PPIP5K2: variants seen among roughly 807,000 people sequenced by gnomAD.
PPIP5K2 encodes the protein inositol hexakisphosphate and diphosphoinositol-pentakisphosphate kinase 2.
Under a neutral mutation model 154.6 loss-of-function variants are expected in PPIP5K2, and 105 were observed. That is an observed-to-expected ratio of 0.68 (90% confidence interval 0.58 to 0.80). The LOEUF (loss-of-function observed/expected upper bound fraction) is 0.80, where lower values mean the gene tolerates loss of function less well. Among genes scored for constraint, PPIP5K2 ranks in the 30% least tolerant of loss-of-function variants. PPIP5K2 has a pLI of 0.00. For missense variants in PPIP5K2, 992 were observed against 1,504.6 expected (o/e 0.66, Z 5.64); for synonymous variants, 480 against 490.3 (o/e 0.98, Z 0.28).
chr5:103,173,802 T>A, intron 20 of PPIP5K2, 56 bp from the exon 21 acceptor site: 2 of 1,103,014 alleles, frequency 1.8e-6, no homozygotes, highest in Non-Finnish European at 2.7e-6. Context: ...ATTTCAATAT[T>A]TAGTGAGTTT....
At position 103,184,674 on chromosome 5, in the gene PPIP5K2, T is replaced by A; in HGVS notation, c.3099T>A (p.Val1033=). ...TTTATTTTGGATTCCTTATGCAGGT[T>A]GTATCTGAAAATGCTAATTACCTGA... The part of the protein sequence containing the change: ...TSSIFGSWQQ[V]VSENANYLRT... The change falls in exon 26 of 31, where the codon GTT becomes GTA. Residue 1033 remains valine (V), a splice_region_variant and synonymous_variant. Coordinates refer to ENST00000358359, the MANE Select transcript of PPIP5K2 (RefSeq NM_001276277.3). The A allele has an allele frequency of 6.2e-7, 1 of 1,610,062 alleles. No homozygotes were observed. The highest frequency in any genetic ancestry group is 8.5e-7 in the Non-Finnish European group (1 of 1,176,552).
At chr5:103,149,069 T>C (rs1265973102) in intron 7 of PPIP5K2, 83 bp from the exon 8 acceptor site, 1 of 1,080,100 alleles carries the variant, frequency 9.3e-7, no homozygotes, top group Non-Finnish European at 1.2e-6. Flanking sequence ...AGTAATTTTT[T>C]CATTGTATTT....
intron 20 of PPIP5K2, 67 bp from the exon 21 acceptor site, chr5:103,173,791 A>G: frequency 1.9e-6 from 2 of 1,039,222 alleles, no homozygotes; most frequent in East Asian, 2.5e-5. Context: ...TTTAGAAAAT[A>G]ATTTCAATAT....
rs79024519 is a variant in PPIP5K2 at position 103,125,090 on chromosome 5, C to T, written c.-284-4216C>T. On this transcript the variant is annotated intron_variant, in intron 1 of 30. Transcript: ENST00000358359. ...CCAGAAGACAAAAATTCTGCTTCAT[C>T]GGTTTTATCTCCTTTTTATTATAGG... 1.0e-3 allele frequency among the ~76,000 whole-genome samples: 153 copies of T among 152,250 alleles called. No individual in the cohort carries two copies. The East Asian group carries it at 0.025, about 25-fold the overall frequency.
rs1554232455 is a variant in PPIP5K2, at chr5:103,209,297, TCTAA to T, written c.*7665_*7668del. On this transcript the variant is annotated 3_prime_UTR_variant, in exon 31 of 31. Transcript: ENST00000358359. ...AGGGCAACAGCCTGCCTAGTAACAA[TCTAA>T]CAGACACCCCCCAAAAACCAAAAAA... is the stretch of plus-strand genomic sequence containing the variant. The T allele has an allele frequency of 6.6e-6, 1 of 151,960 alleles. No individual in the cohort carries two copies. Among genetic ancestry groups the T allele is most frequent in the East Asian group, 1.9e-4 (1 of 5,172 alleles). The allele number at this position is 151,960 out of a possible 1,614,324, so 9.4% of individuals were successfully genotyped here. A position where few individuals can be genotyped will look rare whatever the true frequency, so the allele number is the denominator to read the frequency against.
In PPIP5K2 at chr5:103,204,098, T is replaced by C. The variant is rs1317231255; in HGVS notation, c.*2464T>C. 1 of 152,206 alleles carries C rather than the reference T, an allele frequency of 6.6e-6. No homozygotes were observed. The highest frequency in any genetic ancestry group is 1.5e-5 in the Non-Finnish European group (1 of 68,042). 9.4% of individuals were successfully genotyped at this position (152,206 alleles called of 1,614,324 possible). Reference sequence around the variant, plus strand: ...CACTAGCCAAGGAAAAAGTTTCTGTTTTCACCCGGATTTCTTTTTGGGTTG... The same window carrying C: ...CACTAGCCAAGGAAAAAGTTTCTGTCTTCACCCGGATTTCTTTTTGGGTTG... On this transcript the variant is annotated 3_prime_UTR_variant, in exon 31 of 31. Transcript: ENST00000358359.
chr5:103,151,033 T>C (rs1554211134), intron 8 of PPIP5K2, among the ~76,000 whole-genome samples: 1 of 151,946 alleles, frequency 6.6e-6, no homozygotes, highest in African/African-American at 2.4e-5. Flanking sequence ...ATCTACTTTA[T>C]GATGAAAGAC....
At chr5:103,122,839 AG>A (rs1788998253) in intron 1 of PPIP5K2, among the ~76,000 whole-genome samples, 1 of 152,184 alleles carries the variant, frequency 6.6e-6, no homozygotes, top group African/African-American at 2.4e-5. Flanking sequence ...AGTTCAGGTA[AG>A]GGGGATCTGA....
At chr5:103,146,792 T>A in intron 6 of PPIP5K2, 111 bp downstream of exon 6, 1 of 899,244 alleles carries the variant, frequency 1.1e-6, no homozygotes, top group Non-Finnish European at 1.6e-6. Flanking sequence ...TGAAAATGTA[T>A]CATTTAGAGG....
intron 18 of PPIP5K2, among the ~76,000 whole-genome samples, chr5:103,167,860 G>C (rs1166282185): frequency 6.6e-6 from 1 of 151,786 alleles, no homozygotes; most frequent in Non-Finnish European, 1.5e-5. Context: ...TGTTATTAAA[G>C]TCTATAATAT....
At position 103,124,095 on chromosome 5, in the gene PPIP5K2, A is replaced by G. The variant is rs1789222606; in HGVS notation, c.-285+3607A>G. ...GGAGATTGAAACCATCCTGGCTAAC[A>G]CTGTGAAACTCCGTCTCTACTAAAA... On this transcript the variant is annotated intron_variant, in intron 1 of 30. Transcript: ENST00000358359. Among the ~76,000 whole-genome samples the G allele has an allele frequency of 2.0e-5, 3 of 152,014 alleles. No homozygotes were observed. In the South Asian group the frequency reaches 6.2e-4, roughly 32 times the overall value.
chr5:103,207,446 T>C lies in PPIP5K2; in HGVS notation c.*5812T>C, dbSNP rs1554232346. ...TTTTGGATAGTGAGGGCATGGATAA[T>C]GGATACATAATCAGCAATGTATGCT... On this transcript the variant is annotated 3_prime_UTR_variant, in exon 31 of 31. Transcript: ENST00000358359. 6.6e-6 allele frequency: 1 copy of C among 152,154 alleles called. No homozygotes were observed. The allele number at this position is 152,154 out of a possible 1,614,324, so 9.4% of individuals were successfully genotyped here. A position where few individuals can be genotyped will look rare whatever the true frequency, so the allele number is the denominator to read the frequency against.
At position 103,149,030 on chromosome 5, in the gene PPIP5K2, C is replaced by T; in HGVS notation, c.745-122C>T. The T allele has an allele frequency of 9.0e-6, 7 of 775,184 alleles. No individual in the cohort carries two copies. In the South Asian group the frequency reaches 2.4e-4, roughly 26 times the overall value. The allele number at this position is 775,184 out of a possible 1,614,324, so 48.0% of individuals were successfully genotyped here. ...GGGCATGTAAAATAGAAAGATGTGT[C>T]TACTAGCCTGGATTCTGAACTATTT... On this transcript the variant is annotated intron_variant, in intron 7 of 30. Transcript: ENST00000358359.
intron 8 of PPIP5K2, 61 bp from the exon 9 acceptor site, chr5:103,151,192 G>T (rs1400081257): frequency 1.4e-6 from 2 of 1,427,910 alleles, no homozygotes; most frequent in Non-Finnish European, 1.9e-6. Flanking sequence ...GATAGGACTA[G>T]AAAACTGTGA....
At chr5:103,188,696 T>C (rs1427192417) in intron 28 of PPIP5K2, 1 of 152,264 alleles carries the variant, frequency 6.6e-6, no homozygotes, top group Non-Finnish European at 1.5e-5. Context: ...CATTGCAGGT[T>C]TAAGACCATA....
chr5:103,161,449 A>G (rs1249309233), intron 17 of PPIP5K2, among the ~76,000 whole-genome samples: 4 of 152,174 alleles, frequency 2.6e-5, no homozygotes, highest in Non-Finnish European at 5.9e-5. Context: ...CAGCAGCATG[A>G]TTTATAATCC....
chr5:103,129,803 A>C, intron 2 of PPIP5K2, 100 bp downstream of exon 2: 1 of 1,365,584 alleles, frequency 7.3e-7, no homozygotes, highest in Non-Finnish European at 9.5e-7. Context: ...TTTTGAACTG[A>C]AAAAGTATAT....
At chr5:103,199,474 T>C (rs1580502322) in intron 30 of PPIP5K2, among the ~76,000 whole-genome samples, 1 of 152,216 alleles carries the variant, frequency 6.6e-6, no homozygotes, top group Non-Finnish European at 1.5e-5. Flanking sequence ...CACTGTCTTC[T>C]GGTTACCATT....
rs1788424585 is a variant in PPIP5K2 at position 103,120,302 on chromosome 5, T to TA, written c.-470dup. ...AGGCGTGACGGAGATTCCTGAGGTG[T>TA]AGTAGCCTGAGGTTCCCTTATGTGG... On this transcript the variant is annotated 5_prime_UTR_variant, in exon 1 of 31. Transcript: ENST00000358359. 2.5e-6 allele frequency: 1 copy of TA among 401,140 alleles called. No homozygotes were observed. 24.8% of individuals were successfully genotyped at this position (401,140 alleles called of 1,614,324 possible). A position where few individuals can be genotyped will look rare whatever the true frequency, so the allele number is the denominator to read the frequency against.
Sources: allele counts gnomAD v4.1 joint callset (sites outside exome capture counted in the v4.1 genomes callset), GRCh38; gene constraint gnomAD v4.1.1; transcripts MANE v1.5; gene names NCBI Gene and HGNC (gene_info 2026-07-23, HGNC 2026-07-21).